Variants in EFS observed in about 807,000 individuals in gnomAD.
EFS encodes embryonal Fyn-associated substrate, also known as Cas scaffolding protein family member 3.
Under a neutral mutation model 42.2 loss-of-function variants are expected in EFS, and 34 were observed. The ratio of observed to expected loss-of-function variants is 0.81; its 90% confidence interval spans 0.61 to 1.07. The LOEUF is 1.07. EFS is among the 50% of genes least tolerant of loss of function. EFS has a pLI of 0.00. For missense variants in EFS, 717 were observed against 729.4 expected, an observed-to-expected ratio of 0.98 and a Z score of 0.20; for synonymous variants, 299 against 320.7, an observed-to-expected ratio of 0.93 and a Z score of 0.72.
chr14:23,360,541 G>C lies in EFS; in HGVS notation c.297+14C>G, dbSNP rs775025493. The C allele has an allele frequency of 2.8e-5, 42 of 1,524,604 alleles. No homozygotes were observed. In the Admixed American group the frequency reaches 8.6e-4, roughly 31 times the overall value. 94.4% of individuals were successfully genotyped at this position (1,524,604 alleles called of 1,614,324 possible). A position where few individuals can be genotyped will look rare whatever the true frequency, so the allele number is the denominator to read the frequency against. On this transcript the variant is annotated intron_variant, in intron 2 of 5. Coordinates refer to ENST00000216733, the MANE Select transcript of EFS (RefSeq NM_005864.4). ...GCTCTTCTGGCTTGGGGTTGGGGAG[G>C]CTCCCACTCTCACCTCCTGGTCCTC...
At chr14:23,360,975 T>G (rs2138540241) in intron 1 of EFS, 142 bp from the exon 2 acceptor site, 1,911 of 688,520 alleles carry the variant, frequency 2.8e-3, no homozygotes, top group Non-Finnish European at 3.6e-3. Context: ...GCCTGGGCCC[T>G]AGCTTCTCTC....
At chr14:23,364,122 A>G (rs147803773) in intron 1 of EFS, among the ~76,000 whole-genome samples, 3 of 152,202 alleles carry the variant, frequency 2.0e-5, no homozygotes, top group African/African-American at 7.2e-5. Context: ...AGGACCTAGA[A>G]GAGGGTGGAA....
At chr14:23,364,662 A>T (rs1321878116) in intron 1 of EFS, among the ~76,000 whole-genome samples, 3 of 151,584 alleles carry the variant, frequency 2.0e-5, no homozygotes, top group African/African-American at 7.3e-5. Flanking sequence ...TTGCCTCCCA[A>T]CCACAAGCCT....
At chr14:23,359,087 TGTA>T in intron 4 of EFS, 122 bp from the exon 5 acceptor site, 1 of 1,131,666 alleles carries the variant, frequency 8.8e-7, no homozygotes, top group South Asian at 1.5e-5. Flanking sequence ...TATCAGAGGT[TGTA>T]GTCCCTTGAC....
Position 23,359,565 on chromosome 14 carries a change from G to C in EFS, c.913C>G (p.Arg305Gly). The change falls in exon 4 of 6, where the codon CGC becomes GGC. Residue 305 changes from arginine (R) to glycine (G), a missense_variant. Transcript: ENST00000216733. ...RLPSAESLSR[R>G]PLPALPVPEA... ...GGGACAGGCAGGGCAGGCAGAGGGC[G>C]GCGGGACAGGCTCTCAGCTGAGGGG... 1 of 1,495,172 alleles carries C rather than the reference G, an allele frequency of 6.7e-7. No individual in the cohort carries two copies. Among genetic ancestry groups the C allele is most frequent in the Non-Finnish European group, 8.9e-7 (1 of 1,128,994 alleles). 92.6% of individuals were successfully genotyped at this position (1,495,172 alleles called of 1,614,324 possible). A position where few individuals can be genotyped will look rare whatever the true frequency, so the allele number is the denominator to read the frequency against.
chr14:23,363,563 CAGAGGTACTCTATCTCCAGAG>C (rs1299558188), intron 1 of EFS, among the ~76,000 whole-genome samples: 1 of 152,134 alleles, frequency 6.6e-6, no homozygotes, highest in Admixed American at 6.5e-5. Flanking sequence ...AGAGTACTCC[CAGAGGTACTCTATCTCCAGAG>C]GGCCTCCTTC....
intron 1 of EFS, among the ~76,000 whole-genome samples, chr14:23,361,317 T>C (rs1468700473): frequency 6.6e-6 from 1 of 152,136 alleles, no homozygotes; most frequent in Non-Finnish European, 1.5e-5. Flanking sequence ...TTCTCTCTGT[T>C]CCCAAGTCAT....
rs1029998383 is a variant in EFS at position 23,357,766 on chromosome 14, C to T, written c.1252-106G>A. ...TTCTTCCCAAGGGCGATCCTTTTAG[C>T]TCTTACCTCTGCCCATCGGAAAGTT... On this transcript the variant is annotated intron_variant, in intron 5 of 5. Coordinates refer to ENST00000216733, the MANE Select transcript of EFS (RefSeq NM_005864.4). The T allele has an allele frequency of 2.9e-5, 28 of 964,844 alleles. No individual in the cohort carries two copies. The Middle Eastern group carries it at 9.6e-4, about 33-fold the overall frequency. 59.8% of individuals were successfully genotyped at this position (964,844 alleles called of 1,614,324 possible). A position where few individuals can be genotyped will look rare whatever the true frequency, so the allele number is the denominator to read the frequency against.
chr14:23,364,994 C>A lies in EFS; in HGVS notation c.18+14G>T. Reference sequence around the variant, plus strand: ...GGTCTCTCCCCGGCAGCCTCCACTCCCTGGTGGACTCACCGACGTGGCAAT... The same window carrying A: ...GGTCTCTCCCCGGCAGCCTCCACTCACTGGTGGACTCACCGACGTGGCAAT... On this transcript the variant is annotated intron_variant, in intron 1 of 5. Coordinates refer to ENST00000216733, the MANE Select transcript of EFS (RefSeq NM_005864.4). The A allele has an allele frequency of 7.6e-7, 1 of 1,320,120 alleles. No homozygotes were observed. Among genetic ancestry groups the A allele is most frequent in the East Asian group, 2.9e-5 (1 of 34,514 alleles). The allele number at this position is 1,320,120 out of a possible 1,614,324, so 81.8% of individuals were successfully genotyped here.
chr14:23,363,372 TAAAG>T (rs1235779041), intron 1 of EFS, among the ~76,000 whole-genome samples: 1 of 152,182 alleles, frequency 6.6e-6, no homozygotes, highest in Non-Finnish European at 1.5e-5. Context: ...AGATAACGCA[TAAAG>T]AAACTATGAC....
At position 23,359,743 on chromosome 14, in the gene EFS, G is replaced by A. The variant is rs753273905; in HGVS notation, c.735C>T (p.Gly245=). ...APEELLADGE[G]GGTDEGIYDV... Reference sequence around the variant, plus strand: ...CGTAGATCCCCTCATCAGTGCCCCCGCCCTCCCCGTCTGCCAGCAGTTCCT... The same window carrying A: ...CGTAGATCCCCTCATCAGTGCCCCCACCCTCCCCGTCTGCCAGCAGTTCCT... The change falls in exon 4 of 6, where the codon GGC becomes GGT. Residue 245 remains glycine (G), a synonymous_variant. Coordinates refer to ENST00000216733, the MANE Select transcript of EFS (RefSeq NM_005864.4). The A allele has an allele frequency of 2.4e-5, 37 of 1,515,370 alleles. No homozygotes were observed. The highest frequency in any genetic ancestry group is 1.8e-4 in the Middle Eastern group (1 of 5,600). The allele number at this position is 1,515,370 out of a possible 1,614,324, so 93.9% of individuals were successfully genotyped here. A position where few individuals can be genotyped will look rare whatever the true frequency, so the allele number is the denominator to read the frequency against.
chr14:23,358,773 T>A (rs1037753754), intron 5 of EFS, 103 bp downstream of exon 5: 2 of 1,113,102 alleles, frequency 1.8e-6, no homozygotes, highest in African/African-American at 3.1e-5. Context: ...TCTCACTCCA[T>A]CCTAACCTAT....
At position 23,359,965 on chromosome 14, in the gene EFS, G is replaced by T; in HGVS notation, c.513C>A (p.His171Gln). 1 of 1,577,564 alleles carries T rather than the reference G, an allele frequency of 6.3e-7. No homozygotes were observed. The highest frequency in any genetic ancestry group is 8.6e-7 in the Non-Finnish European group (1 of 1,162,868). ...GPYDCPASFSHPLTRVAPQPP... is the reference protein window; with the variant it reads ...GPYDCPASFSQPLTRVAPQPP... ...GCTGCGGGGCAACCCGGGTCAGAGG[G>T]TGGGAAAAGGAGGCAGGGCAGTCAT... The change falls in exon 4 of 6, where the codon CAC becomes CAA. Residue 171 changes from histidine to glutamine, a missense_variant. By Grantham distance (24) the His-to-Gln change is conservative. Transcript: ENST00000216733.
chr14:23,357,297 C>T lies in EFS; in HGVS notation c.1615G>A (p.Val539Met), dbSNP rs1234762025. Residue 539 changes from valine (V) to methionine (M), a missense_variant, in exon 6 of 6, where the codon GTG (valine) becomes ATG (methionine). Physicochemically the swap from Val to Met is conservative, Grantham distance 21. Coordinates refer to ENST00000216733, the MANE Select transcript of EFS (RefSeq NM_005864.4). ...YPSSPAIQEM[V>M]QCVTELAGQA... ...CCTGCCAGTTCTGTTACACACTGCA[C>T]CATCTCTTGGATGGCAGGGCTGGAT... The T allele has an allele frequency of 9.3e-6, 15 of 1,608,690 alleles. No individual in the cohort carries two copies. Among genetic ancestry groups the T allele is most frequent in the Non-Finnish European group, 1.1e-5 (13 of 1,176,006 alleles).
rs201235748 is a variant in EFS, at chr14:23,359,362, G to A, written c.1116C>T (p.Tyr372=). The change falls in exon 4 of 6, where the codon TAC becomes TAT. Residue 372 remains tyrosine, a synonymous_variant. Coordinates refer to ENST00000216733, the MANE Select transcript of EFS (RefSeq NM_005864.4). ...ACTCCTCGGCCATCGGAATGCCCTCGTACTCATTGTGGTGTCCTGCTGGGT... is the reference window on the plus strand; with the variant it reads ...ACTCCTCGGCCATCGGAATGCCCTCATACTCATTGTGGTGTCCTGCTGGGT... ...EDDPAGHHNE[Y]EGIPMAEEYD... is the part of the protein sequence containing the mutation. 18 of 1,612,946 alleles carry A rather than the reference G, an allele frequency of 1.1e-5. No homozygotes were observed. The highest frequency in any genetic ancestry group is 8.9e-5 in the East Asian group (4 of 44,844).
chr14:23,359,316 C>T lies in EFS; in HGVS notation c.1161+1G>A, dbSNP rs1413638177. ...TGGTGGGGCTGCCAAGGGGCGCTCA[C>T]CTTCAGGTGGACATAGTCATACTCC... On this transcript the variant is annotated splice_donor_variant, in intron 4 of 5. Transcript: ENST00000216733. LOFTEE classifies it high-confidence loss of function. 6.2e-7 allele frequency: 1 copy of T among 1,612,858 alleles called. No individual in the cohort carries two copies. Among genetic ancestry groups the T allele is most frequent in the Non-Finnish European group, 8.5e-7 (1 of 1,179,980 alleles).
At chr14:23,360,350 G>A (rs1890104532) in intron 2 of EFS, 69 bp from the exon 3 acceptor site, 4 of 1,543,424 alleles carry the variant, frequency 2.6e-6, no homozygotes, top group Middle Eastern at 1.8e-4. Flanking sequence ...GTCTGAGTGC[G>A]AGGAGCTTAG....
rs1260021782 is a variant in EFS at position 23,360,788 on chromosome 14, G to A, written c.64C>T (p.Gln22Ter). The A allele has an allele frequency of 6.2e-7, 1 of 1,613,738 alleles. No homozygotes were observed. The highest frequency in any genetic ancestry group is 1.7e-5 in the Admixed American group (1 of 60,000). ...ALYDNTAESP[Q>*]ELSFRRGDVL... Reference sequence around the variant, plus strand: ...TCCCCTCGGCGGAAGGACAGCTCCTGGGGGGACTCAGCGGTGTTGTCATAC... The same window carrying A: ...TCCCCTCGGCGGAAGGACAGCTCCTAGGGGGACTCAGCGGTGTTGTCATAC... The change falls in exon 2 of 6, where the codon CAG becomes TAG. Residue 22 changes from glutamine (Q) to a stop codon, truncating the protein, a stop_gained. Coordinates refer to ENST00000216733, the MANE Select transcript of EFS (RefSeq NM_005864.4). LOFTEE classifies it high-confidence loss of function.
intron 1 of EFS, among the ~76,000 whole-genome samples, chr14:23,363,003 TC>T (rs370216687): frequency 0.023 from 3,407 of 151,096 alleles, 120 homozygotes; most frequent in African/African-American, 0.078. Flanking sequence ...AAGCTCCGCC[TC>T]CCGGGTTCAC....
Sources: allele counts gnomAD v4.1 joint callset (sites outside exome capture counted in the v4.1 genomes callset), GRCh38; gene constraint gnomAD v4.1.1; transcripts MANE v1.5; gene names NCBI Gene and HGNC (gene_info 2026-07-23, HGNC 2026-07-21).